The following RORA variants were observed in gnomAD, a reference collection of about 807,000 sequenced individuals.
RORA encodes nuclear receptor ROR-alpha.
A neutral mutation model predicts 69.5 loss-of-function variants in RORA; 7 were observed. The ratio of observed to expected loss-of-function variants is 0.10; its 90% confidence interval spans 0.06 to 0.19. The LOEUF is 0.19. RORA is among the 10% of genes least tolerant of loss of function. The pLI, the probability that RORA is intolerant of heterozygous loss-of-function variation, is 1.00. For missense variants in RORA, 457 were observed against 663.0 expected, an observed-to-expected ratio of 0.69 and a Z score of 3.41; for synonymous variants, 261 against 240.8, an observed-to-expected ratio of 1.08 and a Z score of -0.78.
intron 2 of RORA, among the ~76,000 whole-genome samples, chr15:60,554,411 A>G (rs1567082894): frequency 6.6e-6 from 1 of 152,214 alleles, no homozygotes; most frequent in African/African-American, 2.4e-5. Context: ...CACTAAAAAA[A>G]AATCAGCAAA....
Position 61,066,849 on chromosome 15 carries a change from C to T in RORA, c.166+162204G>A, listed in dbSNP as rs142734195. Reference sequence around the variant, plus strand: ...CCAAATCTTCCTTCTTCTAGATCCACATGCTATGAAAGGAAAGGGTTCATA... The same window carrying T: ...CCAAATCTTCCTTCTTCTAGATCCATATGCTATGAAAGGAAAGGGTTCATA... On this transcript the variant is annotated intron_variant, in intron 1 of 10. Coordinates refer to ENST00000335670, the MANE Select transcript of RORA (RefSeq NM_134261.3). 3.8e-5 allele frequency among the ~76,000 whole-genome samples: 5 copies of T among 131,646 alleles called. No individual in the cohort carries two copies. The East Asian group carries it at 1.2e-3, about 32-fold the overall frequency. The allele number at this position is 131,646 out of a possible 152,430, so 86.4% of individuals were successfully genotyped here.
chr15:61,186,378 T>C (rs1320224894), intron 1 of RORA, among the ~76,000 whole-genome samples: 2 of 152,008 alleles, frequency 1.3e-5, no homozygotes, highest in African/African-American at 4.8e-5. Context: ...CGGTGGCTCA[T>C]GCCTGTAATC....
chr15:61,137,114 G>T (rs531824296), intron 1 of RORA, among the ~76,000 whole-genome samples: 1 of 150,012 alleles, frequency 6.7e-6, no homozygotes, highest in East Asian at 2.0e-4. Flanking sequence ...AAGCAAGGGT[G>T]TCCAGGGTGG....
chr15:60,502,980 G>A, intron 7 of RORA, 113 bp from the exon 8 acceptor site: 1 of 787,068 alleles, frequency 1.3e-6, no homozygotes, highest in South Asian at 1.4e-5. Flanking sequence ...GGTGTCGTGT[G>A]CAGTTTAGCT....
intron 1 of RORA, among the ~76,000 whole-genome samples, chr15:61,095,107 G>GGGTGGAAA (rs1254032485): frequency 2.0e-5 from 3 of 152,148 alleles, no homozygotes; most frequent in Non-Finnish European, 4.4e-5. Context: ...AATGTCCTTT[G>GGGTGGAAA]GGTGTAAAGG....
At chr15:60,916,140 G>A (rs369399395) in intron 1 of RORA, among the ~76,000 whole-genome samples, 5 of 152,196 alleles carry the variant, frequency 3.3e-5, no homozygotes, top group East Asian at 1.9e-4. Flanking sequence ...CAGTTCTGCC[G>A]ACTTTACACT....
chr15:60,801,970 T>A (rs2072588751), intron 1 of RORA, among the ~76,000 whole-genome samples: 1 of 152,196 alleles, frequency 6.6e-6, no homozygotes, highest in South Asian at 2.1e-4. Context: ...GAATTACTGA[T>A]GTTATAGATG....
intron 1 of RORA, among the ~76,000 whole-genome samples, chr15:61,033,268 G>A (rs886718152): frequency 9.9e-5 from 15 of 152,162 alleles, no homozygotes; most frequent in African/African-American, 3.6e-4. Context: ...AGGGGAGAGT[G>A]CTGCTGAGTT....
At chr15:60,646,962 A>G (rs1396654274) in intron 2 of RORA, among the ~76,000 whole-genome samples, 1 of 152,144 alleles carries the variant, frequency 6.6e-6, no homozygotes, top group African/African-American at 2.4e-5. Flanking sequence ...CAAATTTCCC[A>G]TATTTATTTT....
At chr15:61,209,510 T>A (rs2079971579) in intron 1 of RORA, among the ~76,000 whole-genome samples, 1 of 152,264 alleles carries the variant, frequency 6.6e-6, no homozygotes, top group African/African-American at 2.4e-5. Context: ...GCTTTAGGCA[T>A]CAACCTATGT....
intron 1 of RORA, among the ~76,000 whole-genome samples, chr15:61,129,640 TAG>T (rs1567002671): frequency 1.3e-5 from 2 of 152,338 alleles, no homozygotes. Flanking sequence ...TTTTAAATGG[TAG>T]AGTTTAAAGC....
chr15:60,704,664 G>C (rs1304233398), intron 1 of RORA, among the ~76,000 whole-genome samples: 3 of 152,242 alleles, frequency 2.0e-5, no homozygotes, highest in Non-Finnish European at 4.4e-5. Flanking sequence ...AAAGAACGTA[G>C]AGATAGAACT....
At chr15:60,523,160 G>A (rs1408199489) in intron 3 of RORA, among the ~76,000 whole-genome samples, 1 of 152,178 alleles carries the variant, frequency 6.6e-6, no homozygotes, top group Admixed American at 6.5e-5. Flanking sequence ...TGTTCTTCTG[G>A]TATTTGAAAA....
intron 2 of RORA, among the ~76,000 whole-genome samples, chr15:60,626,820 C>A (rs755531301): frequency 6.6e-6 from 1 of 152,178 alleles, no homozygotes; most frequent in Non-Finnish European, 1.5e-5. Flanking sequence ...GTAACTGACT[C>A]ACTCACTCAC....
chr15:61,056,381 C>A (rs560397657), intron 1 of RORA, among the ~76,000 whole-genome samples: 1 of 152,324 alleles, frequency 6.6e-6, no homozygotes, highest in East Asian at 1.9e-4. Flanking sequence ...AAATTCCTAT[C>A]TGGAACTCTC....
At chr15:61,104,826 A>T (rs2078929032) in intron 1 of RORA, among the ~76,000 whole-genome samples, 1 of 152,114 alleles carries the variant, frequency 6.6e-6, no homozygotes, top group African/African-American at 2.4e-5. Flanking sequence ...TAATTCCCAC[A>T]TACTGTGGGA....
intron 1 of RORA, among the ~76,000 whole-genome samples, chr15:61,139,346 A>G (rs2079275728): frequency 1.3e-5 from 2 of 152,196 alleles, no homozygotes; most frequent in Non-Finnish European, 2.9e-5. Flanking sequence ...TCTGGGAAAC[A>G]CTTGTCTAAA....
At position 60,980,122 on chromosome 15, in the gene RORA, T is replaced by C. The variant is rs368897386; in HGVS notation, c.166+248931A>G. Among the ~76,000 whole-genome samples the C allele has an allele frequency of 6.0e-4, 91 of 152,276 alleles. 2 individuals carry two copies. In the South Asian group the frequency reaches 0.019, roughly 31 times the overall value. On this transcript the variant is annotated intron_variant, in intron 1 of 10. Coordinates refer to ENST00000335670, the MANE Select transcript of RORA (RefSeq NM_134261.3). The stretch of plus-strand genomic sequence containing the variant: ...GATTTGGTTAAATCCTTTTTCTATA[T>C]CTATTGAGATGATCACATGGGTTTT...
intron 1 of RORA, among the ~76,000 whole-genome samples, chr15:61,183,817 C>G (rs562090804): frequency 6.6e-6 from 1 of 152,324 alleles, no homozygotes; most frequent in East Asian, 1.9e-4. Context: ...ATAAACAACT[C>G]TGCTACATGA....
Sources: allele counts gnomAD v4.1 joint callset (sites outside exome capture counted in the v4.1 genomes callset), GRCh38; gene constraint gnomAD v4.1.1; transcripts MANE v1.5; gene names NCBI Gene and HGNC (gene_info 2026-07-23, HGNC 2026-07-21).